MALRD1: variants seen among roughly 807,000 people sequenced by gnomAD.
The protein encoded by MALRD1 is MAM and LDL-receptor class A domain-containing protein 1.
In MALRD1, 247 loss-of-function variants were observed where a neutral mutation model predicts 242.1. That is an observed-to-expected ratio of 1.02 (90% CI 0.92 to 1.13). The LOEUF (loss-of-function observed/expected upper bound fraction) is 1.13. MALRD1 is among the 50% of genes most tolerant of loss of function. The pLI is 0.00. For synonymous variants in MALRD1, 995 were observed against 866.6 expected (o/e 1.15, Z -2.60); for missense variants, 2,989 against 2,533.1 (o/e 1.18, Z -3.86).
intron 4 of MALRD1, among the ~76,000 whole-genome samples, chr10:19,102,738 A>C (rs1261932819): frequency 6.6e-6 from 1 of 152,220 alleles, no homozygotes; most frequent in Non-Finnish European, 1.5e-5. Flanking sequence ...GATTTAGTTA[A>C]TTAGAAAATC....
intron 31 of MALRD1, among the ~76,000 whole-genome samples, chr10:19,499,304 A>G (rs1485577790): frequency 6.6e-6 from 1 of 152,128 alleles, no homozygotes; most frequent in Non-Finnish European, 1.5e-5. Context: ...ATAAAAAAAT[A>G]TCTAAGATAT....
At chr10:19,500,548 A>G (rs1187227382) in intron 31 of MALRD1, among the ~76,000 whole-genome samples, 1 of 152,230 alleles carries the variant, frequency 6.6e-6, no homozygotes, top group Non-Finnish European at 1.5e-5. Context: ...TTGCAAGAAA[A>G]CAGAGAGTAA....
chr10:19,699,621 G>A (rs975354300), intron 38 of MALRD1, among the ~76,000 whole-genome samples: 3 of 152,062 alleles, frequency 2.0e-5, no homozygotes. Context: ...TTAAAAAGAT[G>A]TTTAATTGGC....
At chr10:19,456,689 G>A (rs1196505533) in intron 29 of MALRD1, among the ~76,000 whole-genome samples, 1 of 152,078 alleles carries the variant, frequency 6.6e-6, no homozygotes, top group Non-Finnish European at 1.5e-5. Context: ...ACAAGAAAAA[G>A]AAGAAGGCAA....
At chr10:19,142,243 A>G (rs571867495) in intron 10 of MALRD1, among the ~76,000 whole-genome samples, 2 of 151,850 alleles carry the variant, frequency 1.3e-5, no homozygotes, top group Non-Finnish European at 2.9e-5. Context: ...ATACCAATAT[A>G]AAAATATTTA....
chr10:19,163,548 G>T (rs1037681591), intron 12 of MALRD1, among the ~76,000 whole-genome samples: 2 of 151,954 alleles, frequency 1.3e-5, no homozygotes, highest in Non-Finnish European at 2.9e-5. Flanking sequence ...ATAACTATTG[G>T]GTACAATGCT....
chr10:19,112,879 T>C (rs1389534190), intron 5 of MALRD1, among the ~76,000 whole-genome samples: 3 of 152,352 alleles, frequency 2.0e-5, no homozygotes, highest in East Asian at 1.9e-4. Flanking sequence ...CTCTCATTCA[T>C]TCCCTGTTTT....
intron 2 of MALRD1, among the ~76,000 whole-genome samples, chr10:19,083,128 A>G (rs1272557550): frequency 6.6e-6 from 1 of 152,024 alleles, no homozygotes; most frequent in Non-Finnish European, 1.5e-5. Flanking sequence ...TTCAAAGATT[A>G]TGTTTCCACA....
intron 18 of MALRD1, among the ~76,000 whole-genome samples, chr10:19,226,353 A>G (rs575015101): frequency 6.6e-6 from 1 of 152,340 alleles, no homozygotes; most frequent in African/African-American, 2.4e-5. Context: ...GTGTTTACAA[A>G]AAATCTATAG....
At position 19,359,835 on chromosome 10, in the gene MALRD1, G is replaced by C. The variant is rs569601092; in HGVS notation, c.4441+7538G>C. On this transcript the variant is annotated intron_variant, in intron 26 of 39. Coordinates refer to ENST00000454679, the MANE Select transcript of MALRD1 (RefSeq NM_001142308.3). ...CTACCAAGTTTATTTATATAAACAT[G>C]TAATGTTAGTCTAAAGAAGACAGCA... 1.1e-4 allele frequency among the ~76,000 whole-genome samples: 16 copies of C among 152,120 alleles called. No homozygotes were observed. The East Asian group carries it at 2.3e-3, about 22-fold the overall frequency.
Position 19,615,844 on chromosome 10 carries a change from T to C in MALRD1, c.6071-13T>C. ...TTATAATTAACTGGTGTCTTTGTGATGCTTCTTTTTAGAATGTCCATTAAA... is the reference window on the plus strand; with the variant it reads ...TTATAATTAACTGGTGTCTTTGTGACGCTTCTTTTTAGAATGTCCATTAAA... On this transcript the variant is annotated splice_polypyrimidine_tract_variant and intron_variant, in intron 35 of 39. Coordinates refer to ENST00000454679, the MANE Select transcript of MALRD1 (RefSeq NM_001142308.3). The C allele has an allele frequency of 6.6e-7, 1 of 1,523,444 alleles. No individual in the cohort carries two copies. Among genetic ancestry groups the C allele is most frequent in the Non-Finnish European group, 8.8e-7 (1 of 1,138,462 alleles). 94.4% of individuals were successfully genotyped at this position (1,523,444 alleles called of 1,614,324 possible).
chr10:19,303,883 CA>C (rs1304564191), intron 21 of MALRD1, among the ~76,000 whole-genome samples: 1 of 151,632 alleles, frequency 6.6e-6, no homozygotes, highest in Non-Finnish European at 1.5e-5. Context: ...CAGGTTATTT[CA>C]AATATACTTA....
chr10:19,337,222 T>G (rs117232969), intron 24 of MALRD1, among the ~76,000 whole-genome samples: 3,093 of 152,252 alleles, frequency 0.02, 44 homozygotes, highest in Non-Finnish European at 0.029. Context: ...AATAGGTACA[T>G]ACTTACATAT....
intron 13 of MALRD1, among the ~76,000 whole-genome samples, chr10:19,172,489 C>T (rs1053934761): frequency 1.3e-5 from 2 of 151,416 alleles, no homozygotes; most frequent in African/African-American, 4.9e-5. Flanking sequence ...TTTATCCTTC[C>T]ATTTTAATAT....
intron 31 of MALRD1, among the ~76,000 whole-genome samples, chr10:19,507,941 T>C (rs1833214191): frequency 6.6e-6 from 1 of 152,198 alleles, no homozygotes. Flanking sequence ...GGCACTATTC[T>C]AGGTGCTTGG....
chr10:19,722,611 AAAAAAAAAG>A (rs1484278652), intron 38 of MALRD1: 1 of 149,424 alleles, frequency 6.7e-6, no homozygotes, highest in East Asian at 2.0e-4. Flanking sequence ...AAAAAAAAAA[AAAAAAAAAG>A]GTGGAAAAAA....
At chr10:19,689,104 G>T (rs567882835) in intron 36 of MALRD1, among the ~76,000 whole-genome samples, 1 of 152,326 alleles carries the variant, frequency 6.6e-6, no homozygotes, top group African/African-American at 2.4e-5. Context: ...GTCTGTGACA[G>T]TTATTTGTAC....
chr10:19,145,129 A>G (rs917869621), intron 10 of MALRD1, among the ~76,000 whole-genome samples: 1 of 152,234 alleles, frequency 6.6e-6, no homozygotes, highest in Non-Finnish European at 1.5e-5. Context: ...ATTTAAGCAC[A>G]TAATAATGAA....
intron 28 of MALRD1, among the ~76,000 whole-genome samples, chr10:19,393,497 G>C (rs1387333121): frequency 2.1e-5 from 3 of 143,300 alleles, no homozygotes; most frequent in Non-Finnish European, 3.0e-5. Flanking sequence ...CCAGGCTGGA[G>C]TGCAGTGGTG....
Sources: gnomAD v4.1 joint callset for allele counts (sites outside exome capture counted in the v4.1 genomes callset) on GRCh38, gnomAD v4.1.1 for gene constraint, MANE v1.5 for transcripts, NCBI Gene and HGNC (gene_info 2026-07-23, HGNC 2026-07-21) for gene names.